The following TPTE variants were observed in gnomAD, a reference collection of about 807,000 sequenced individuals.
The protein encoded by TPTE is transmembrane phosphatase with tensin homology.
In TPTE, 59 loss-of-function variants were observed where a neutral mutation model predicts 84.1. The observed-to-expected ratio is 0.70, with a 90% CI of 0.57 to 0.87. TPTE has a LOEUF of 0.87. TPTE is among the 40% of genes least tolerant of loss of function. The pLI, the probability that TPTE is intolerant of heterozygous loss-of-function variation, is 0.00. For synonymous variants in TPTE, 130 were observed against 223.5 expected (o/e 0.58, Z 3.73); for missense variants, 382 against 659.6 (o/e 0.58, Z 4.61).
intron 3 of TPTE, among the ~76,000 whole-genome samples, chr21:10,530,035 C>T (rs2074149949): frequency 6.6e-6 from 1 of 152,308 alleles, no homozygotes; most frequent in Non-Finnish European, 1.5e-5. Flanking sequence ...TACATTATTT[C>T]AATGAATTAC....
At chr21:10,545,740 T>C (rs1428266729) in intron 7 of TPTE, among the ~76,000 whole-genome samples, 1 of 151,814 alleles carries the variant, frequency 6.6e-6, no homozygotes, top group Non-Finnish European at 1.5e-5. Flanking sequence ...TATAAATATG[T>C]ATTTGTGTGT....
At chr21:10,556,832 A>C (rs2074693586) in intron 8 of TPTE, among the ~76,000 whole-genome samples, 2 of 152,310 alleles carry the variant, frequency 1.3e-5, no homozygotes, top group South Asian at 2.1e-4. Flanking sequence ...TGGCTGCATA[A>C]ATGTCTTCTT....
At chr21:10,554,444 C>T (rs1013788343) in intron 8 of TPTE, among the ~76,000 whole-genome samples, 3 of 152,308 alleles carry the variant, frequency 2.0e-5, no homozygotes, top group Non-Finnish European at 4.4e-5. Context: ...TTCTCCCCTC[C>T]CACACTTAAC....
intron 8 of TPTE, among the ~76,000 whole-genome samples, chr21:10,554,347 C>T (rs1202225844): frequency 2.6e-5 from 4 of 152,308 alleles, no homozygotes; most frequent in African/African-American, 7.2e-5. Context: ...TATAAATTCT[C>T]AGAAGTGGAA....
chr21:10,574,409 G>A (rs4041889), intron 14 of TPTE, among the ~76,000 whole-genome samples: 2 of 152,414 alleles, frequency 1.3e-5, no homozygotes, highest in Non-Finnish European at 2.9e-5. Context: ...ACTAGAGAAC[G>A]TGGACGGATT....
intron 17 of TPTE, among the ~76,000 whole-genome samples, chr21:10,578,982 TAAC>T (rs1241611667): frequency 2.0e-5 from 3 of 152,300 alleles, no homozygotes; most frequent in African/African-American, 2.4e-5. Context: ...ATTTTTAAAT[TAAC>T]AAATAAAAAA....
intron 23 of TPTE, among the ~76,000 whole-genome samples, chr21:10,604,557 A>G (rs567445929): frequency 7.1e-4 from 108 of 152,262 alleles, no homozygotes; most frequent in Non-Finnish European, 1.1e-3. Flanking sequence ...AATGCAAAAC[A>G]TTTAATGGAT....
chr21:10,598,896 C>A (rs1266660654), intron 21 of TPTE, among the ~76,000 whole-genome samples: 5 of 152,268 alleles, frequency 3.3e-5, no homozygotes, highest in African/African-American at 1.2e-4. Flanking sequence ...CCTCTCCCGA[C>A]TGAGGGCATT....
At chr21:10,604,085 G>C (rs1196963690) in intron 23 of TPTE, among the ~76,000 whole-genome samples, 1 of 152,312 alleles carries the variant, frequency 6.6e-6, no homozygotes. Flanking sequence ...ATATCTAGGA[G>C]AAGTCACAAG....
intron 3 of TPTE, among the ~76,000 whole-genome samples, chr21:10,532,721 C>T (rs1457007000): frequency 9.2e-5 from 14 of 152,398 alleles, no homozygotes; most frequent in East Asian, 3.9e-4. Context: ...TAAAATATTT[C>T]GTGATTTCCC....
intron 17 of TPTE, among the ~76,000 whole-genome samples, chr21:10,579,835 G>A (rs1172765847): frequency 6.6e-6 from 1 of 152,312 alleles, no homozygotes; most frequent in Non-Finnish European, 1.5e-5. Context: ...ATGCTGCAGT[G>A]AACATGGGAG....
chr21:10,557,819 T>G (rs1448890404), intron 8 of TPTE, among the ~76,000 whole-genome samples: 1,181 of 145,822 alleles, frequency 8.1e-3, no homozygotes, highest in African/African-American at 0.032. Context: ...GGGAGGTTGT[T>G]TTTTTTTATT....
Position 10,556,395 on chromosome 21 carries a change from G to A in TPTE, c.234-3099G>A, listed in dbSNP as rs534770375. Among the ~76,000 whole-genome samples, 17 of 152,418 alleles carry A rather than the reference G, an allele frequency of 1.1e-4. No homozygotes were observed. In the South Asian group the frequency reaches 3.5e-3, roughly 32 times the overall value. On this transcript the variant is annotated intron_variant, in intron 8 of 23. Coordinates refer to ENST00000618007, the MANE Select transcript of TPTE (RefSeq NM_199261.4). ...ACTCATCCTTTTTTATGGCTGCTTA[G>A]TATTCCATGGTGTATATGTGCCACA...
At chr21:10,521,945 G>T (rs2073985335) in intron 1 of TPTE, among the ~76,000 whole-genome samples, 1 of 130,556 alleles carries the variant, frequency 7.7e-6, no homozygotes, top group African/African-American at 2.6e-5. Context: ...CCTCCTCTCC[G>T]CGCCCGCTCC....
chr21:10,564,004 A>G (rs2074862307), intron 10 of TPTE, among the ~76,000 whole-genome samples: 1 of 152,312 alleles, frequency 6.6e-6, no homozygotes. Context: ...AAATGCAAAA[A>G]TTAGCAGGGT....
intron 14 of TPTE, among the ~76,000 whole-genome samples, chr21:10,573,851 A>G (rs2075095641): frequency 6.6e-6 from 1 of 152,426 alleles, no homozygotes; most frequent in South Asian, 2.1e-4. Context: ...GGCAGAGGCA[A>G]GAGTCCGAGG....
intron 6 of TPTE, among the ~76,000 whole-genome samples, chr21:10,543,045 C>T (rs1266543941): frequency 1.1e-4 from 7 of 62,048 alleles, no homozygotes; most frequent in Admixed American, 8.4e-4. Context: ...TTTTTTGAGA[C>T]GGAGTCTCGC....
chr21:10,554,824 G>T (rs1006800255), intron 8 of TPTE, among the ~76,000 whole-genome samples: 1 of 152,312 alleles, frequency 6.6e-6, no homozygotes, highest in Admixed American at 6.5e-5. Context: ...GGTATAAAGT[G>T]TAGAAATTTA....
intron 1 of TPTE, among the ~76,000 whole-genome samples, chr21:10,524,167 T>A (rs2074038285): frequency 6.6e-6 from 1 of 152,308 alleles, no homozygotes; most frequent in African/African-American, 2.4e-5. Context: ...GTGAGGTCTC[T>A]GAGCAAGGGA....
Sources: gnomAD v4.1 joint callset for allele counts (sites outside exome capture counted in the v4.1 genomes callset) on GRCh38, gnomAD v4.1.1 for gene constraint, MANE v1.5 for transcripts, NCBI Gene and HGNC (gene_info 2026-07-23, HGNC 2026-07-21) for gene names.